GRM5: variants seen among roughly 807,000 people sequenced by gnomAD.
The protein encoded by GRM5 is metabotropic glutamate receptor 5.
A neutral mutation model predicts 83.1 loss-of-function variants in GRM5; 19 were observed. That is an observed-to-expected ratio of 0.23 (90% confidence interval 0.16 to 0.34). The LOEUF (loss-of-function observed/expected upper bound fraction) is 0.34. Among genes scored for constraint, GRM5 ranks in the 10% least tolerant of loss-of-function variants. The pLI, the probability that GRM5 is intolerant of heterozygous loss-of-function variation, is 1.00. For missense variants in GRM5, 1,160 were observed against 1,588.3 expected (o/e 0.73, Z 4.58); for synonymous variants, 675 against 633.6 (o/e 1.07, Z -0.98).
At chr11:88,697,340 A>G (rs987811119) in intron 3 of GRM5, among the ~76,000 whole-genome samples, 47 of 152,316 alleles carry the variant, frequency 3.1e-4, no homozygotes, top group Admixed American at 2.9e-3. Context: ...TTCTGTCACT[A>G]GGATTGATGC....
At chr11:88,846,379 G>A (rs1944303878) in intron 3 of GRM5, among the ~76,000 whole-genome samples, 1 of 152,202 alleles carries the variant, frequency 6.6e-6, no homozygotes. Context: ...TGTTTAGCAA[G>A]ACTATTTCAG....
chr11:88,538,754 C>G (rs1258139680), intron 8 of GRM5, among the ~76,000 whole-genome samples: 1 of 152,190 alleles, frequency 6.6e-6, no homozygotes. Context: ...TTAATCATTA[C>G]AACAGTCTTT....
intron 2 of GRM5, among the ~76,000 whole-genome samples, chr11:88,997,920 A>T (rs546027801): frequency 9.9e-5 from 15 of 152,146 alleles, no homozygotes; most frequent in Non-Finnish European, 1.8e-4. Flanking sequence ...TTCAGAAAAG[A>T]GAAGAGTAGG....
chr11:88,653,998 C>A (rs1202835908), intron 3 of GRM5, among the ~76,000 whole-genome samples: 1 of 151,998 alleles, frequency 6.6e-6, no homozygotes, highest in African/African-American at 2.4e-5. Context: ...GTCCATAGTC[C>A]ATACACTATT....
chr11:88,882,150 T>C (rs1322645168), intron 2 of GRM5, among the ~76,000 whole-genome samples: 1 of 151,754 alleles, frequency 6.6e-6, no homozygotes, highest in African/African-American at 2.4e-5. Context: ...GGAAAGAGAA[T>C]CGCTTGAACC....
chr11:88,797,058 C>A (rs1396417927), intron 3 of GRM5, among the ~76,000 whole-genome samples: 2 of 152,096 alleles, frequency 1.3e-5, no homozygotes. Context: ...GTTTCAGAGA[C>A]TGTACAAACA....
intron 9 of GRM5, 101 bp from the exon 10 acceptor site, chr11:88,509,605 G>A (rs947925349): frequency 9.5e-6 from 7 of 736,530 alleles, no homozygotes; most frequent in Non-Finnish European, 1.6e-5. Context: ...GGACTGGGGA[G>A]GACTTTTCTC....
intron 2 of GRM5, among the ~76,000 whole-genome samples, chr11:89,007,420 A>C (rs1416923012): frequency 6.6e-6 from 1 of 152,192 alleles, no homozygotes; most frequent in Non-Finnish European, 1.5e-5. Flanking sequence ...GAAACTTCAA[A>C]TCCAGTGATT....
intron 3 of GRM5, among the ~76,000 whole-genome samples, chr11:88,693,975 A>G (rs902782394): frequency 6.6e-6 from 1 of 152,160 alleles, no homozygotes; most frequent in African/African-American, 2.4e-5. Context: ...ATGATTAAGA[A>G]CACTCTTTTT....
chr11:88,664,287 G>A (rs1377640947), intron 3 of GRM5, among the ~76,000 whole-genome samples: 1 of 150,222 alleles, frequency 6.7e-6, no homozygotes, highest in Non-Finnish European at 1.5e-5. Flanking sequence ...CCATATCCCT[G>A]GGTTCTACAT....
chr11:88,670,922 A>G (rs1389071626), intron 3 of GRM5, among the ~76,000 whole-genome samples: 1 of 152,066 alleles, frequency 6.6e-6, no homozygotes, highest in African/African-American at 2.4e-5. Flanking sequence ...TAAGCATACA[A>G]TATAACCCAG....
At chr11:88,686,733 A>C (rs1298981967) in intron 3 of GRM5, among the ~76,000 whole-genome samples, 1 of 152,088 alleles carries the variant, frequency 6.6e-6, no homozygotes, top group Non-Finnish European at 1.5e-5. Flanking sequence ...CCGCTTTTGC[A>C]TCTTCCTCAT....
chr11:88,823,536 A>C (rs919682036), intron 3 of GRM5, among the ~76,000 whole-genome samples: 3 of 151,768 alleles, frequency 2.0e-5, no homozygotes, highest in Non-Finnish European at 4.4e-5. Flanking sequence ...CAAAAAAAAA[A>C]AGACTAGAGA....
At chr11:88,511,809 T>A (rs956862486) in intron 9 of GRM5, 12 of 152,336 alleles carry the variant, frequency 7.9e-5, no homozygotes, top group Admixed American at 7.8e-4. Context: ...TTTACGAGAT[T>A]TGATTGGGAG....
chr11:88,837,385 G>A (rs1006162214), intron 3 of GRM5, among the ~76,000 whole-genome samples: 15 of 151,998 alleles, frequency 9.9e-5, no homozygotes, highest in African/African-American at 3.4e-4. Flanking sequence ...ATAAAATGAA[G>A]TTAATAATAA....
chr11:88,527,009 G>C (rs1941894943), intron 8 of GRM5, among the ~76,000 whole-genome samples: 1 of 152,080 alleles, frequency 6.6e-6, no homozygotes. Context: ...AGAACTTAGA[G>C]ACTTTGTTAA....
intron 2 of GRM5, among the ~76,000 whole-genome samples, chr11:89,003,616 T>C (rs1426723551): frequency 1.3e-5 from 2 of 152,296 alleles, no homozygotes; most frequent in African/African-American, 4.8e-5. Context: ...TTTTAAATTA[T>C]AAAACTAGGA....
intron 2 of GRM5, among the ~76,000 whole-genome samples, chr11:88,896,431 G>C (rs1373147356): frequency 6.6e-5 from 10 of 151,942 alleles, no homozygotes; most frequent in Non-Finnish European, 1.2e-4. Flanking sequence ...AGATGGGGCA[G>C]AGTGGGAAAT....
intron 2 of GRM5, among the ~76,000 whole-genome samples, chr11:88,907,013 T>A (rs1945415240): frequency 6.6e-6 from 1 of 152,008 alleles, no homozygotes; most frequent in Admixed American, 6.6e-5. Flanking sequence ...CTTTGAGGAT[T>A]TGAGGCAGTT....
Sources: gnomAD v4.1 joint callset for allele counts (sites outside exome capture counted in the v4.1 genomes callset) on GRCh38, gnomAD v4.1.1 for gene constraint, MANE v1.5 for transcripts, NCBI Gene and HGNC (gene_info 2026-07-23, HGNC 2026-07-21) for gene names.